ADAM9: variants seen among roughly 807,000 people sequenced by gnomAD.
ADAM9 encodes ADAM metallopeptidase domain 9, also known as disintegrin and metalloproteinase domain-containing protein 9.
Under a neutral mutation model 108.1 loss-of-function variants are expected in ADAM9, and 54 were observed. The observed-to-expected ratio is 0.50, with a 90% CI of 0.40 to 0.63. The LOEUF is 0.63. Among genes scored for constraint, ADAM9 ranks in the 20% least tolerant of loss-of-function variants. The pLI is 0.00. For synonymous variants in ADAM9, 316 were observed against 336.0 expected (o/e 0.94, Z 0.65); for missense variants, 830 against 997.7 (o/e 0.83, Z 2.26).
intron 16 of ADAM9, 45 bp downstream of exon 16, chr8:39,077,456 A>T (rs766026180): frequency 2.5e-5 from 38 of 1,521,108 alleles, no homozygotes; most frequent in Admixed American, 3.9e-5. Flanking sequence ...GAAAAAAATT[A>T]AAAAAATTAT....
rs1837677660 is a variant in ADAM9, at chr8:39,045,335, CACCT to C, written c.1302+3220_1302+3223del. On this transcript the variant is annotated intron_variant, in intron 12 of 21. Transcript: ENST00000487273. ...GTGTACACCTATACATGTGTGTGTA[CACCT>C]ATACATGTGTGTACATACATATAGG... is the stretch of plus-strand genomic sequence containing the variant. Among the ~76,000 whole-genome samples the C allele has an allele frequency of 1.5e-4, 17 of 113,940 alleles. 1 individual carries two copies. Among genetic ancestry groups the C allele is most frequent in the South Asian group, 5.2e-4 (2 of 3,826 alleles). The allele number at this position is 113,940 out of a possible 152,430, so 74.7% of individuals were successfully genotyped here.
chr8:39,103,801 A>AT lies in ADAM9; in HGVS notation c.*102dup, dbSNP rs776271847. 1.3e-5 allele frequency: 15 copies of AT among 1,133,142 alleles called. 1 individual carries two copies. In the South Asian group the frequency reaches 1.9e-4, roughly 14 times the overall value. The allele number at this position is 1,133,142 out of a possible 1,614,324, so 70.2% of individuals were successfully genotyped here. ...AAAAGCCTTTCTGTTGCAACTATGA[A>AT]TGAAAACAAAACACCACAAAACAGA... On this transcript the variant is annotated 3_prime_UTR_variant, in exon 22 of 22. Coordinates refer to ENST00000487273, the MANE Select transcript of ADAM9 (RefSeq NM_003816.3).
chr8:39,045,200 GTA>G lies in ADAM9; in HGVS notation c.1302+3089_1302+3090del, dbSNP rs1433435289. ...TATATGTGTATACATACATATATGT[GTA>G]TATATGTGTATACATACATATATGT... On this transcript the variant is annotated intron_variant, in intron 12 of 21. Transcript: ENST00000487273. 6.5e-5 allele frequency among the ~76,000 whole-genome samples: 8 copies of G among 122,544 alleles called. 2 individuals carry two copies. Among genetic ancestry groups the G allele is most frequent in the Non-Finnish European group, 9.5e-5 (5 of 52,848 alleles). 80.4% of individuals were successfully genotyped at this position (122,544 alleles called of 152,430 possible).
intron 18 of ADAM9, among the ~76,000 whole-genome samples, chr8:39,084,657 A>C (rs967202444): frequency 1.3e-5 from 2 of 151,968 alleles, no homozygotes; most frequent in Admixed American, 1.3e-4. Flanking sequence ...ACACTTGAAA[A>C]GAATGCGTAT....
In ADAM9 at chr8:39,018,900, T is replaced by C. The variant is rs1436138448; in HGVS notation, c.654T>C (p.Ile218=). ...AGACCCGGTATGTGGAGCTGTTCAT[T>C]GTCGTAGACAAGGAAAGGGTAAGAT... The part of the protein sequence containing the change: ...LPQTRYVELF[I]VVDKERYDMM... The change falls in exon 7 of 22, where the codon ATT becomes ATC. Residue 218 remains isoleucine, a synonymous_variant. Transcript: ENST00000487273. 1.2e-6 allele frequency: 2 copies of C among 1,614,060 alleles called. No individual in the cohort carries two copies. Among genetic ancestry groups the C allele is most frequent in the South Asian group, 2.2e-5 (2 of 91,088 alleles).
At chr8:39,079,397 G>A (rs754066042) in intron 16 of ADAM9, among the ~76,000 whole-genome samples, 2 of 151,936 alleles carry the variant, frequency 1.3e-5, no homozygotes, top group African/African-American at 4.8e-5. Flanking sequence ...GTGAGCCACT[G>A]CACCTAGCTG....
intron 3 of ADAM9, among the ~76,000 whole-genome samples, chr8:39,012,910 C>T (rs929526472): frequency 3.3e-5 from 5 of 152,046 alleles, no homozygotes; most frequent in Non-Finnish European, 5.9e-5. Context: ...CAAACCTGCA[C>T]GTTGTACACA....
intron 20 of ADAM9, among the ~76,000 whole-genome samples, chr8:39,093,539 A>G (rs1839415254): frequency 6.6e-6 from 1 of 152,204 alleles, no homozygotes; most frequent in African/African-American, 2.4e-5. Context: ...GCAAACAAGG[A>G]CAGTTTTACT....
At chr8:39,007,203 A>G (rs1836191424) in intron 1 of ADAM9, among the ~76,000 whole-genome samples, 1 of 152,090 alleles carries the variant, frequency 6.6e-6, no homozygotes, top group South Asian at 2.1e-4. Context: ...TGGGGGAGAG[A>G]GGCTCTTTTT....
chr8:39,048,545 T>C (rs898732575), intron 12 of ADAM9, among the ~76,000 whole-genome samples: 4 of 152,204 alleles, frequency 2.6e-5, no homozygotes, highest in African/African-American at 7.2e-5. Context: ...GTATGTATTC[T>C]GCCACTGTTG....
At chr8:39,032,644 G>A (rs952566669) in intron 11 of ADAM9, among the ~76,000 whole-genome samples, 3 of 152,324 alleles carry the variant, frequency 2.0e-5, no homozygotes, top group Non-Finnish European at 2.9e-5. Flanking sequence ...GCGATGCCCC[G>A]CCCTGCTTTG....
At chr8:39,079,450 G>T (rs1384227629) in intron 16 of ADAM9, among the ~76,000 whole-genome samples, 4 of 151,898 alleles carry the variant, frequency 2.6e-5, no homozygotes, top group African/African-American at 7.3e-5. Flanking sequence ...ATTTTTTTCT[G>T]AGAAGTTCAT....
At position 39,104,413 on chromosome 8, in the gene ADAM9, TATGA is replaced by T. The variant is rs1564399240; in HGVS notation, c.*716_*719del. 6.9e-6 allele frequency: 3 copies of T among 433,086 alleles called. No homozygotes were observed. The highest frequency in any genetic ancestry group is 2.5e-5 in the Admixed American group (1 of 40,590). The allele number at this position is 433,086 out of a possible 1,614,324, so 26.8% of individuals were successfully genotyped here. A position where few individuals can be genotyped will look rare whatever the true frequency, so the allele number is the denominator to read the frequency against. ...ATTAATTTAATATTAGAATTTCTAT[TATGA>T]ATCATGTGAAAGCATGACATTCGTT... On this transcript the variant is annotated 3_prime_UTR_variant, in exon 22 of 22. Coordinates refer to ENST00000487273, the MANE Select transcript of ADAM9 (RefSeq NM_003816.3).
chr8:39,018,505 A>G (rs1328294418), intron 6 of ADAM9: 1 of 274,892 alleles, frequency 3.6e-6, no homozygotes. Flanking sequence ...TGTAGTTTTG[A>G]TTTTAGAAAA....
chr8:39,075,689 T>A (rs1296407669), intron 15 of ADAM9, among the ~76,000 whole-genome samples: 1 of 152,242 alleles, frequency 6.6e-6, no homozygotes. Flanking sequence ...TTTTAATGTA[T>A]CACCAAGCCT....
intron 10 of ADAM9, among the ~76,000 whole-genome samples, chr8:39,026,199 C>T (rs936948728): frequency 6.6e-6 from 1 of 152,194 alleles, no homozygotes; most frequent in South Asian, 2.1e-4. Context: ...AACCCGTCAT[C>T]TAGGTTTTAA....
chr8:39,090,324 C>CCA, intron 19 of ADAM9, 136 bp downstream of exon 19: 1 of 679,964 alleles, frequency 1.5e-6, no homozygotes, highest in South Asian at 2.0e-5. Context: ...AGGCACACCA[C>CCA]CACACCCAGT....
At chr8:39,073,126 T>G (rs1387474081) in intron 15 of ADAM9, among the ~76,000 whole-genome samples, 2 of 152,210 alleles carry the variant, frequency 1.3e-5, no homozygotes, top group Admixed American at 1.3e-4. Context: ...CCATGTATAA[T>G]TGAAAGAAAA....
At chr8:39,070,022 G>T (rs1838627969) in intron 14 of ADAM9, among the ~76,000 whole-genome samples, 1 of 148,720 alleles carries the variant, frequency 6.7e-6, no homozygotes, top group Non-Finnish European at 1.5e-5. Flanking sequence ...GTGTGGTGGT[G>T]CATGCCTGCA....
Sources: allele counts gnomAD v4.1 joint callset (sites outside exome capture counted in the v4.1 genomes callset), GRCh38; gene constraint gnomAD v4.1.1; transcripts MANE v1.5; gene names NCBI Gene and HGNC (gene_info 2026-07-23, HGNC 2026-07-21).